ARHGEF10L: variants seen among roughly 807,000 people sequenced by gnomAD.
ARHGEF10L encodes the protein Rho guanine nucleotide exchange factor 10 like.
ARHGEF10L carries 69 observed loss-of-function variants against 141.2 expected under a neutral mutation model. The observed-to-expected ratio is 0.49, with a 90% confidence interval of 0.40 to 0.60. ARHGEF10L has a LOEUF of 0.60. Among genes scored for constraint, ARHGEF10L ranks in the 20% least tolerant of loss-of-function variants. The probability of loss-of-function intolerance (pLI) is 0.00; values close to 1 mark genes in which losing one functional copy is unlikely to be tolerated. For synonymous variants in ARHGEF10L, 711 were observed against 718.5 expected, an observed-to-expected ratio of 0.99 and a Z score of 0.17; for missense variants, 1,482 against 1,734.3, an observed-to-expected ratio of 0.85 and a Z score of 2.58.
At chr1:17,680,074 A>ACCCTGC (rs993479566) in intron 26 of ARHGEF10L, among the ~76,000 whole-genome samples, 1 of 141,832 alleles carries the variant, frequency 7.1e-6, no homozygotes, top group African/African-American at 2.6e-5. Context: ...GCCTTGCCCC[A>ACCCTGC]CCCTGCCCCT....
chr1:17,567,499 T>G (rs1462172939), intron 1 of ARHGEF10L, among the ~76,000 whole-genome samples: 2 of 152,238 alleles, frequency 1.3e-5, no homozygotes, highest in Non-Finnish European at 2.9e-5. Context: ...CTTGAGTAGC[T>G]GGGATTACAG....
In ARHGEF10L at chr1:17,553,658, G is replaced by A. The variant is rs565038466; in HGVS notation, c.-44+13708G>A. ...ACAAAAATTAGCCAGGCATGATGGT[G>A]GGCACCTGTAGTCCCAGCTACTCAG... On this transcript the variant is annotated intron_variant, in intron 1 of 28. Transcript: ENST00000361221. Among the ~76,000 whole-genome samples, 5 of 152,112 alleles carry A rather than the reference G, an allele frequency of 3.3e-5. No homozygotes were observed. The East Asian group carries it at 9.7e-4, about 30-fold the overall frequency.
the ARHGEF10L span, among the ~76,000 whole-genome samples, chr1:17,529,086 C>T: frequency 6.6e-6 from 1 of 152,140 alleles, no homozygotes; most frequent in South Asian, 2.1e-4. Flanking sequence ...TCACTGCAAC[C>T]TCTACCTCCT....
chr1:17,650,655 C>T (rs551585782), intron 22 of ARHGEF10L, among the ~76,000 whole-genome samples: 12 of 151,730 alleles, frequency 7.9e-5, no homozygotes, highest in African/African-American at 2.9e-4. Flanking sequence ...AACACTTGAA[C>T]CCGGGAAGCG....
rs760556041 is a variant in ARHGEF10L, at chr1:17,634,861, T to G, written c.1772T>G (p.Val591Gly). ...HRGQLEISSL[V>G]PLGPKYVVKW... ...GGCCAGCTGGAGATCAGCAGCCTGG[T>G]GCCCCTGGGGCCCAAGTATGTGGTG... The change falls in exon 18 of 29, where the codon GTG (valine) becomes GGG (glycine). Residue 591 changes from valine (V) to glycine (G), a missense_variant. Val to Gly is a moderately radical substitution (Grantham distance 109). This residue lies in a region of ARHGEF10L where 858 missense variants were observed against 966.3 expected (regional missense o/e 0.89). Transcript: ENST00000361221. 1.2e-6 allele frequency: 2 copies of G among 1,613,796 alleles called. No individual in the cohort carries two copies. Among genetic ancestry groups the G allele is most frequent in the Non-Finnish European group, 1.7e-6 (2 of 1,179,850 alleles).
the ARHGEF10L span, among the ~76,000 whole-genome samples, chr1:17,517,723 C>T: frequency 2.0e-5 from 3 of 152,078 alleles, no homozygotes; most frequent in Non-Finnish European, 2.9e-5. Context: ...TACAATGGCA[C>T]GATCTTGGCT....
rs199736109 is a variant in ARHGEF10L, at chr1:17,691,703, A to ATG, written c.3185-3453_3185-3452dup. Among the ~76,000 whole-genome samples, 440 of 151,622 alleles carry ATG rather than the reference A, an allele frequency of 2.9e-3. 15 individuals carry two copies. In the East Asian group the frequency reaches 0.071, roughly 24 times the overall value. Reference sequence around the variant, plus strand: ...GTGCTCAATTGTGTATATATATTATATGTATATATATATGTGTGTATATAT... The same window carrying ATG: ...GTGCTCAATTGTGTATATATATTATATGTGTATATATATATGTGTGTATATAT... On this transcript the variant is annotated intron_variant, in intron 27 of 28. Coordinates refer to ENST00000361221, the MANE Select transcript of ARHGEF10L (RefSeq NM_018125.4).
At position 17,656,217 on chromosome 1, in the gene ARHGEF10L, G is replaced by A. The variant is rs1388967711; in HGVS notation, c.2705+115G>A. ...TTGCCCACCAACATTCTCTGCCCCT[G>A]GTCTCCAGGAAGGTGGGCACCAGAG... On this transcript the variant is annotated intron_variant, in intron 24 of 28. Transcript: ENST00000361221. This position sits in a 1 kb window ranked among gnomAD's most constrained non-coding sequence, Gnocchi z 4.9. 1.6e-6 allele frequency: 2 copies of A among 1,273,822 alleles called. No individual in the cohort carries two copies. The highest frequency in any genetic ancestry group is 2.5e-5 in the East Asian group (1 of 39,290). 78.9% of individuals were successfully genotyped at this position (1,273,822 alleles called of 1,614,324 possible).
chr1:17,526,085 C>G, the ARHGEF10L span, among the ~76,000 whole-genome samples: 1 of 152,086 alleles, frequency 6.6e-6, no homozygotes, highest in South Asian at 2.1e-4. Context: ...CCCCATCTCC[C>G]ACCCCCTATT....
intron 28 of ARHGEF10L, among the ~76,000 whole-genome samples, 190 bp downstream of exon 28, chr1:17,695,470 CTGAG>C (rs2065429965): frequency 6.6e-6 from 1 of 152,244 alleles, no homozygotes; most frequent in African/African-American, 2.4e-5. Context: ...TCCCACCTTT[CTGAG>C]TGTCAGTTTC....
chr1:17,661,238 C>T (rs972695442), intron 25 of ARHGEF10L, among the ~76,000 whole-genome samples: 6 of 152,176 alleles, frequency 3.9e-5, no homozygotes, highest in African/African-American at 1.4e-4. Context: ...CCACCACACC[C>T]AGCTAATTTT....
chr1:17,630,315 T>C (rs542125817), intron 15 of ARHGEF10L, among the ~76,000 whole-genome samples: 7 of 152,346 alleles, frequency 4.6e-5, no homozygotes, highest in African/African-American at 1.7e-4. Flanking sequence ...TTTCTTTTTG[T>C]TGGTTTTCAT....
chr1:17,663,198 C>A (rs2102152367), intron 25 of ARHGEF10L, among the ~76,000 whole-genome samples: 1 of 152,266 alleles, frequency 6.6e-6, no homozygotes, highest in Admixed American at 6.5e-5. Context: ...CTTGCTTGGG[C>A]CAGGCTCCTA....
chr1:17,537,208 T>TA (rs2076587851), upstream of ARHGEF10L, among the ~76,000 whole-genome samples: 1 of 152,190 alleles, frequency 6.6e-6, no homozygotes, highest in Non-Finnish European at 1.5e-5. Context: ...TCTGACTTTT[T>TA]ATGGGAAATC....
intron 26 of ARHGEF10L, among the ~76,000 whole-genome samples, chr1:17,666,543 C>T (rs2062986848): frequency 6.6e-6 from 1 of 152,070 alleles, no homozygotes; most frequent in Admixed American, 6.5e-5. Context: ...GCAGTGAGGA[C>T]CTTTAACCTC....
intron 15 of ARHGEF10L, among the ~76,000 whole-genome samples, chr1:17,629,160 A>G (rs1322281369): frequency 4.0e-5 from 6 of 151,826 alleles, no homozygotes; most frequent in Non-Finnish European, 7.4e-5. Flanking sequence ...AGCTGGGACT[A>G]CAAGCACGAG....
intron 16 of ARHGEF10L, among the ~76,000 whole-genome samples, chr1:17,632,960 G>A (rs768824106): frequency 6.6e-6 from 1 of 152,238 alleles, no homozygotes; most frequent in Non-Finnish European, 1.5e-5. Flanking sequence ...CCAAAGCCCG[G>A]CTGCTGGGCT....
chr1:17,588,354 C>T lies in ARHGEF10L; in HGVS notation c.224-92C>T, dbSNP rs982698945. On this transcript the variant is annotated intron_variant, in intron 3 of 28. Transcript: ENST00000361221. The stretch of plus-strand genomic sequence containing the variant: ...ACTGGCCAGGCCCTGTCTGCGGCGC[C>T]CCTGGGGAGGCTGGGAAAGGGGCGG... The T allele has an allele frequency of 2.7e-6, 4 of 1,463,086 alleles. No individual in the cohort carries two copies. The African/African-American group carries it at 5.6e-5, about 20-fold the overall frequency. 90.6% of individuals were successfully genotyped at this position (1,463,086 alleles called of 1,614,324 possible). A position where few individuals can be genotyped will look rare whatever the true frequency, so the allele number is the denominator to read the frequency against.
At chr1:17,570,276 G>T (rs906832216) in intron 1 of ARHGEF10L, among the ~76,000 whole-genome samples, 1 of 152,232 alleles carries the variant, frequency 6.6e-6, no homozygotes, top group African/African-American at 2.4e-5. Context: ...GTTGCCAGAG[G>T]TGTTAAATCC....
Sources: allele counts gnomAD v4.1 joint callset (sites outside exome capture counted in the v4.1 genomes callset), GRCh38; gene constraint gnomAD v4.1.1; regional missense constraint gnomAD v4.1.1; non-coding constraint Gnocchi (gnomAD v3.1); transcripts MANE v1.5; gene names NCBI Gene and HGNC (gene_info 2026-07-23, HGNC 2026-07-21).